The following PCSK1 variants were observed in gnomAD, a reference collection of about 807,000 sequenced individuals.
The protein encoded by PCSK1 is proprotein convertase subtilisin/kexin type 1.
PCSK1 carries 56 observed loss-of-function variants against 90.6 expected under a neutral mutation model. The ratio of observed to expected loss-of-function variants is 0.62; its 90% CI spans 0.50 to 0.77. The LOEUF (loss-of-function observed/expected upper bound fraction) is 0.77. PCSK1 is among the 30% of genes least tolerant of loss of function. PCSK1 has a pLI of 0.00. For missense variants in PCSK1, 801 were observed against 932.6 expected (o/e 0.86, Z 1.84); for synonymous variants, 348 against 342.4 (o/e 1.02, Z -0.18).
chr5:96,400,327 C>T (rs1760311884), intron 9 of PCSK1, 141 bp from the exon 10 acceptor site: 1 of 691,516 alleles, frequency 1.4e-6, no homozygotes, highest in Non-Finnish European at 2.6e-6. Flanking sequence ...GTGTCTATTA[C>T]TGTTCATATA....
chr5:96,431,953 T>A, intron 1 of PCSK1: 1 of 711,784 alleles, frequency 1.4e-6, no homozygotes, highest in Non-Finnish European at 2.5e-6. Flanking sequence ...CCCCTCGGAA[T>A]CGCTCAGCTA....
intron 3 of PCSK1, among the ~76,000 whole-genome samples, chr5:96,423,970 A>T (rs1451419372): frequency 6.6e-6 from 1 of 152,154 alleles, no homozygotes; most frequent in Non-Finnish European, 1.5e-5. Context: ...AGGAATTGCA[A>T]TGTGATTGCC....
chr5:96,412,204 C>T, intron 7 of PCSK1, 114 bp downstream of exon 7: 1 of 961,166 alleles, frequency 1.0e-6, no homozygotes, highest in Non-Finnish European at 1.7e-6. Flanking sequence ...TTGTAAAGGA[C>T]TTTGTTAAGA....
intron 4 of PCSK1, among the ~76,000 whole-genome samples, chr5:96,422,513 C>T (rs1324455282): frequency 6.6e-6 from 1 of 152,140 alleles, no homozygotes; most frequent in Non-Finnish European, 1.5e-5. Flanking sequence ...CTTTTCCAAC[C>T]CAATAGCTAC....
At position 96,425,045 on chromosome 5, in the gene PCSK1, AAAGAAAG is replaced by A. The variant is rs1450088089; in HGVS notation, c.396+768_396+774del. 3.3e-4 allele frequency among the ~76,000 whole-genome samples: 48 copies of A among 144,024 alleles called. No individual in the cohort carries two copies. In the South Asian group the frequency reaches 5.4e-3, roughly 16 times the overall value. 94.5% of individuals were successfully genotyped at this position (144,024 alleles called of 152,430 possible). ...GAAAGAAAGAAAGAAAGAAAGAAAG[AAAGAAAG>A]AAAGAAAGAAAGAAAGAAAGAAAAC... On this transcript the variant is annotated intron_variant, in intron 3 of 13. Coordinates refer to ENST00000311106, the MANE Select transcript of PCSK1 (RefSeq NM_000439.5).
chr5:96,408,235 G>C lies in PCSK1; in HGVS notation c.1184C>G (p.Ala395Gly). Residue 395 changes from alanine (A) to glycine (G), a missense_variant, in exon 9 of 14, where the codon GCC becomes GGC. Physicochemically the swap from Ala to Gly is moderately conservative, Grantham distance 60. Transcript: ENST00000311106. The part of the protein sequence containing the change: ...APLAAGIFAL[A>G]LEANPNLTWR... ...TTCTGGGCCTTACTTTGCTTCCAGG[G>C]CCAGAGCGAAGATGCCAGCAGCCAG... 6.2e-7 allele frequency: 1 copy of C among 1,612,914 alleles called. No homozygotes were observed. The highest frequency in any genetic ancestry group is 2.2e-5 in the East Asian group (1 of 44,876).
At position 96,423,391 on chromosome 5, in the gene PCSK1, G is replaced by A. The variant is rs1761186646; in HGVS notation, c.465C>T (p.Gly155=). The A allele has an allele frequency of 1.9e-6, 3 of 1,613,850 alleles. No individual in the cohort carries two copies. In the East Asian group the frequency reaches 6.7e-5, roughly 36 times the overall value. ...TGATAACAACTCCTTTGCCCGTAAT[G>A]CCTTTTTGCCAAACAGGTATCACAT... ...DLHVIPVWQK[G]ITGKGVVITV... Residue 155 remains glycine (G), a synonymous_variant, in exon 4 of 14, where the codon GGC becomes GGT. Transcript: ENST00000311106.
Position 96,391,140 on chromosome 5 carries a change from T to C in PCSK1, c.*1861A>G, listed in dbSNP as rs914212219. ...TTCATATCAAACAATATATGAAACT[T>C]CCAAGGACAGAGTGATTCCGCAAGT... On this transcript the variant is annotated 3_prime_UTR_variant, in exon 14 of 14. Transcript: ENST00000311106. 6.6e-6 allele frequency: 1 copy of C among 152,226 alleles called. No individual in the cohort carries two copies. The highest frequency in any genetic ancestry group is 1.5e-5 in the Non-Finnish European group (1 of 68,030). The allele number at this position is 152,226 out of a possible 1,614,324, so 9.4% of individuals were successfully genotyped here.
At chr5:96,417,479 G>A (rs1261886853) in intron 5 of PCSK1, among the ~76,000 whole-genome samples, 1 of 151,938 alleles carries the variant, frequency 6.6e-6, no homozygotes, top group Non-Finnish European at 1.5e-5. Flanking sequence ...AAGGACTGAT[G>A]TAGATTATAG....
At chr5:96,406,736 C>T (rs1328554418) in intron 9 of PCSK1, among the ~76,000 whole-genome samples, 1 of 152,210 alleles carries the variant, frequency 6.6e-6, no homozygotes, top group Admixed American at 6.5e-5. Flanking sequence ...GACATAAGGA[C>T]ACTGCTTTGT....
chr5:96,405,534 G>A (rs1216055982), intron 9 of PCSK1, among the ~76,000 whole-genome samples: 5 of 152,152 alleles, frequency 3.3e-5, no homozygotes, highest in East Asian at 1.9e-4. Flanking sequence ...AGCCAGGCAT[G>A]GTGGCACATG....
intron 6 of PCSK1, among the ~76,000 whole-genome samples, chr5:96,414,110 G>T (rs1481748225): frequency 6.7e-6 from 1 of 149,460 alleles, no homozygotes; most frequent in African/African-American, 2.5e-5. Flanking sequence ...CTGCACTCCA[G>T]CCTGGGCGAC....
chr5:96,425,054 AAGAAAG>A (rs1334872623), intron 3 of PCSK1, among the ~76,000 whole-genome samples: 3 of 133,136 alleles, frequency 2.3e-5, no homozygotes, highest in Non-Finnish European at 5.0e-5. Context: ...GAAAGAAAGA[AAGAAAG>A]AAAGAAAGAA....
At position 96,393,244 on chromosome 5, in the gene PCSK1, A is replaced by C. The variant is rs1388613414; in HGVS notation, c.2019T>G (p.Ser673Arg). 6.2e-7 allele frequency: 1 copy of C among 1,613,960 alleles called. No individual in the cohort carries two copies. Among genetic ancestry groups the C allele is most frequent in the Middle Eastern group, 1.6e-4 (1 of 6,062 alleles). Residue 673 changes from serine to arginine, a missense_variant, in exon 14 of 14, where the codon AGT becomes AGG. Ser to Arg is a moderately radical substitution (Grantham distance 110). Coordinates refer to ENST00000311106, the MANE Select transcript of PCSK1 (RefSeq NM_000439.5). ...TTGGCGGTGAGTTTTTACTGAAAGC[A>C]CTTTGCAGGAGTCGCAGCATGGCCT... ...PSQAMLRLLQ[S>R]AFSKNSPPKQ...
At chr5:96,428,453 A>G (rs1317668879) in intron 2 of PCSK1, among the ~76,000 whole-genome samples, 2 of 152,212 alleles carry the variant, frequency 1.3e-5, no homozygotes, top group African/African-American at 4.8e-5. Flanking sequence ...TACTCCCAAC[A>G]TAGTAAACAT....
intron 2 of PCSK1, 43 bp from the exon 3 acceptor site, chr5:96,425,973 T>G: frequency 9.6e-6 from 10 of 1,041,458 alleles, no homozygotes; most frequent in Non-Finnish European, 1.5e-5. Context: ...GTCAAATATC[T>G]ACCTCTGTAT....
intron 3 of PCSK1, among the ~76,000 whole-genome samples, chr5:96,423,798 T>C (rs1216262230): frequency 3.3e-5 from 5 of 152,230 alleles, no homozygotes; most frequent in African/African-American, 1.2e-4. Context: ...GGAAGCTCTA[T>C]TTGATAGTCG....
chr5:96,422,799 T>A (rs1322442850), intron 4 of PCSK1, among the ~76,000 whole-genome samples: 2 of 152,240 alleles, frequency 1.3e-5, no homozygotes, highest in Admixed American at 6.5e-5. Context: ...TGAAGCAAAT[T>A]GTTTTTATTT....
chr5:96,432,302 C>T (rs1761532414), intron 1 of PCSK1: 1 of 627,432 alleles, frequency 1.6e-6, no homozygotes, highest in Non-Finnish European at 2.8e-6. Context: ...GCCTCCCAAC[C>T]TCCTGGTCGC....
Sources: allele counts gnomAD v4.1 joint callset (sites outside exome capture counted in the v4.1 genomes callset), GRCh38; gene constraint gnomAD v4.1.1; transcripts MANE v1.5; gene names NCBI Gene and HGNC (gene_info 2026-07-23, HGNC 2026-07-21).